The following RCL1 variants were observed in gnomAD, a reference collection of about 807,000 sequenced individuals.
RCL1 encodes RNA terminal phosphate cyclase like 1.
RCL1 carries 24 observed loss-of-function variants against 42.4 expected under a neutral mutation model. That is an observed-to-expected ratio of 0.57 (90% confidence interval 0.41 to 0.80). RCL1 has a LOEUF of 0.80. Ranked by LOEUF, RCL1 falls within the 30% of genes least tolerant of loss-of-function variation. RCL1 has a pLI of 0.00. For synonymous variants in RCL1, 228 were observed against 177.3 expected (o/e 1.29, Z -2.27); for missense variants, 578 against 467.9 (o/e 1.24, Z -2.17).
intron 2 of RCL1, 70 bp downstream of exon 2, chr9:4,823,689 TC>T (rs1447418449): frequency 8.8e-7 from 1 of 1,132,062 alleles, no homozygotes; most frequent in East Asian, 2.5e-5. Context: ...CTCTTTTTTT[TC>T]TTTCCTTTTT....
At chr9:4,820,229 A>T (rs1816542618) in intron 1 of RCL1, among the ~76,000 whole-genome samples, 1 of 152,242 alleles carries the variant, frequency 6.6e-6, no homozygotes, top group South Asian at 2.1e-4. Flanking sequence ...AAGAGGAGTC[A>T]GCAGGGTGTG....
Position 4,808,588 on chromosome 9 carries a change from C to T in RCL1, c.137-14960C>T, listed in dbSNP as rs1306168741. Among the ~76,000 whole-genome samples the T allele has an allele frequency of 4.6e-5, 7 of 152,106 alleles. No individual in the cohort carries two copies. In the East Asian group the frequency reaches 5.8e-4, roughly 13 times the overall value. ...CCTCCCAGTGTGCTGGGATTATAGG[C>T]GTGAACCACTGTCTAGTAGTTTTTT... On this transcript the variant is annotated intron_variant, in intron 1 of 8. Transcript: ENST00000381750.
Position 4,793,131 on chromosome 9 carries a change from A to G in RCL1, c.40A>G (p.Asn14Asp), listed in dbSNP as rs755002704. Residue 14 changes from asparagine (N) to aspartate (D), a missense_variant, in exon 1 of 9, where the codon AAC (asparagine) becomes GAC (aspartate). Asn to Asp is a conservative substitution (Grantham distance 23). Transcript: ENST00000381750. The stretch of plus-strand genomic sequence containing the variant: ...GCACTCCCTCAGCTACGCAGGGTGC[A>G]ACTTCTTGCGCCAACGTCTGGTCCT... ...QAHSLSYAGCNFLRQRLVLST... is the reference protein window; with the variant it reads ...QAHSLSYAGCDFLRQRLVLST... 3 of 1,612,018 alleles carry G rather than the reference A, an allele frequency of 1.9e-6. No homozygotes were observed. The highest frequency in any genetic ancestry group is 2.5e-6 in the Non-Finnish European group (3 of 1,179,238).
intron 5 of RCL1, among the ~76,000 whole-genome samples, chr9:4,840,570 A>T (rs1196664818): frequency 6.6e-6 from 1 of 152,188 alleles, no homozygotes; most frequent in African/African-American, 2.4e-5. Flanking sequence ...AGTGCTAATT[A>T]TCAATATTTT....
chr9:4,852,677 C>G (rs1817791880), intron 8 of RCL1, among the ~76,000 whole-genome samples: 1 of 152,058 alleles, frequency 6.6e-6, no homozygotes, highest in Admixed American at 6.5e-5. Context: ...GTGCTCCTGG[C>G]AACGTGCCTG....
At chr9:4,798,782 A>C (rs1251381919) in intron 1 of RCL1, among the ~76,000 whole-genome samples, 6 of 152,122 alleles carry the variant, frequency 3.9e-5, no homozygotes, top group African/African-American at 1.4e-4. Context: ...TGTAGATTGA[A>C]TATGTCCTGT....
chr9:4,845,927 C>T (rs993929345), intron 7 of RCL1, among the ~76,000 whole-genome samples: 1 of 152,180 alleles, frequency 6.6e-6, no homozygotes, highest in Admixed American at 6.5e-5. Flanking sequence ...TAAGTTTTCT[C>T]GTTTATGGTA....
chr9:4,850,436 G>T (rs462480), intron 8 of RCL1: 210,421 of 374,862 alleles, frequency 0.56, 59,729 homozygotes, highest in East Asian at 0.74. Context: ...GGGCCATGGC[G>T]TTGGGGGCAT....
rs1399345266 is a variant in RCL1 at position 4,860,167 on chromosome 9, G to A, written c.1014G>A (p.Met338Ile). ...LRHLKSFFQIMFKIETKPCGE... is the reference protein window; with the variant it reads ...LRHLKSFFQIIFKIETKPCGE... ...ATTTGAAGAGCTTTTTCCAGATTAT[G>A]TTTAAAATTGAAACCAAGCCATGTG... The change falls in exon 9 of 9, where the codon ATG becomes ATA. Residue 338 changes from methionine to isoleucine, a missense_variant. Transcript: ENST00000381750. The A allele has an allele frequency of 6.2e-7, 1 of 1,606,520 alleles. No individual in the cohort carries two copies. The highest frequency in any genetic ancestry group is 8.5e-7 in the Non-Finnish European group (1 of 1,177,328).
chr9:4,800,905 C>G (rs569984745), intron 1 of RCL1, among the ~76,000 whole-genome samples: 1 of 152,066 alleles, frequency 6.6e-6, no homozygotes, highest in Non-Finnish European at 1.5e-5. Flanking sequence ...CCTCCTGGCT[C>G]GGCCTCCCAG....
At chr9:4,833,388 A>G (rs1056573001) in intron 4 of RCL1, among the ~76,000 whole-genome samples, 160 bp downstream of exon 4, 6 of 152,198 alleles carry the variant, frequency 3.9e-5, no homozygotes, top group African/African-American at 1.2e-4. Flanking sequence ...CAGACTTTGA[A>G]CTGAAAGGGA....
In RCL1 at chr9:4,827,888, T is replaced by C. The variant is rs541446828; in HGVS notation, c.384+855T>C. On this transcript the variant is annotated intron_variant, in intron 3 of 8. Transcript: ENST00000381750. The stretch of plus-strand genomic sequence containing the variant: ...GGATGCTCTGCTGTCAGAGAAGATA[T>C]CTTAAAGCTGATGGCCGGCCGGGCG... Among the ~76,000 whole-genome samples the C allele has an allele frequency of 3.3e-5, 5 of 152,044 alleles. No individual in the cohort carries two copies. The East Asian group carries it at 7.8e-4, about 24-fold the overall frequency.
intron 8 of RCL1, among the ~76,000 whole-genome samples, chr9:4,853,176 A>T (rs1029377579): frequency 6.6e-6 from 1 of 152,118 alleles, no homozygotes; most frequent in Non-Finnish European, 1.5e-5. Flanking sequence ...AGGGCAAAAA[A>T]GGCAAGTACT....
chr9:4,799,718 A>T lies in RCL1; in HGVS notation c.136+6491A>T, dbSNP rs185419428. 1.8e-3 allele frequency among the ~76,000 whole-genome samples: 269 copies of T among 152,216 alleles called. 2 individuals carry two copies. Among genetic ancestry groups the T allele is most frequent in the African/African-American group, 6.0e-3 (249 of 41,558 alleles). On this transcript the variant is annotated intron_variant, in intron 1 of 8. Coordinates refer to ENST00000381750, the MANE Select transcript of RCL1 (RefSeq NM_005772.5). ...TATATTATAAATTAAAAAAATTTTT[A>T]AAAAGAAAAAACTTGAAGGGCCTTG... is the stretch of plus-strand genomic sequence containing the variant.
intron 1 of RCL1, among the ~76,000 whole-genome samples, chr9:4,816,120 C>G (rs986670291): frequency 2.0e-5 from 3 of 152,070 alleles, no homozygotes; most frequent in Admixed American, 6.6e-5. Context: ...GATCTGAGCA[C>G]CTTTTCTTTG....
At chr9:4,809,102 A>G (rs1816077804) in intron 1 of RCL1, among the ~76,000 whole-genome samples, 1 of 151,936 alleles carries the variant, frequency 6.6e-6, no homozygotes. Context: ...TGAGCTTCTT[A>G]AGGTTTTTTT....
At position 4,828,447 on chromosome 9, in the gene RCL1, A is replaced by T. The variant is rs1241202887; in HGVS notation, c.384+1414A>T. 2.0e-5 allele frequency among the ~76,000 whole-genome samples: 3 copies of T among 152,176 alleles called. No individual in the cohort carries two copies. In the South Asian group the frequency reaches 6.2e-4, roughly 31 times the overall value. ...CTTCATTTCTTGGAAATTCAGCTGC[A>T]TAAACTCTTTTCCCTGGGATACTGA... On this transcript the variant is annotated intron_variant, in intron 3 of 8. Transcript: ENST00000381750.
chr9:4,799,558 C>A (rs1308278500), intron 1 of RCL1, among the ~76,000 whole-genome samples: 2 of 152,324 alleles, frequency 1.3e-5, no homozygotes, highest in African/African-American at 4.8e-5. Flanking sequence ...CTCCTTCCCC[C>A]ACTTCTTCCT....
intron 1 of RCL1, among the ~76,000 whole-genome samples, chr9:4,814,465 G>A (rs879511184): frequency 2.0e-5 from 3 of 151,950 alleles, no homozygotes; most frequent in African/African-American, 4.8e-5. Context: ...TGGCGGTCTC[G>A]CTTTGTTGCC....
Sources: allele counts gnomAD v4.1 joint callset (sites outside exome capture counted in the v4.1 genomes callset), GRCh38; gene constraint gnomAD v4.1.1; transcripts MANE v1.5; gene names NCBI Gene and HGNC (gene_info 2026-07-23, HGNC 2026-07-21).